The following MLLT1 variants were observed in gnomAD, a reference collection of about 807,000 sequenced individuals.
MLLT1 encodes the protein protein ENL.
A neutral mutation model predicts 55.1 loss-of-function variants in MLLT1; 11 were observed. The ratio of observed to expected loss-of-function variants is 0.20; its 90% CI spans 0.13 to 0.33. The LOEUF is 0.33. Among genes scored for constraint, MLLT1 ranks in the 10% least tolerant of loss-of-function variants. MLLT1 has a pLI of 1.00. For synonymous variants in MLLT1, 323 were observed against 320.1 expected (o/e 1.01, Z -0.10); for missense variants, 536 against 760.6 (o/e 0.70, Z 3.47).
At position 6,212,845 on chromosome 19, in the gene MLLT1, G is replaced by GT; in HGVS notation, c.*196_*197insA. The GT allele has an allele frequency of 1.1e-6, 1 of 921,452 alleles. No homozygotes were observed. Among genetic ancestry groups the GT allele is most frequent in the Non-Finnish European group, 1.5e-6 (1 of 652,844 alleles). The allele number at this position is 921,452 out of a possible 1,614,324, so 57.1% of individuals were successfully genotyped here. ...GGGCGGCTCCCGTGTGGCCCAGCCC[G>GT]GCCCCAGGGCTCCTGGCGATGGAGC... is the stretch of plus-strand genomic sequence containing the variant. On this transcript the variant is annotated 3_prime_UTR_variant, in exon 12 of 12. Coordinates refer to ENST00000252674, the MANE Select transcript of MLLT1 (RefSeq NM_005934.4).
In MLLT1 at chr19:6,212,163, A is replaced by ACTGTTGGCGCTAGTCTGAGTAGAGC. The variant is rs1416684062; in HGVS notation, c.*854_*878dup. The ACTGTTGGCGCTAGTCTGAGTAGAGC allele has an allele frequency of 3.8e-6, 4 of 1,066,010 alleles. No individual in the cohort carries two copies. In the African/African-American group the frequency reaches 6.6e-5, roughly 17 times the overall value. The allele number at this position is 1,066,010 out of a possible 1,614,324, so 66.0% of individuals were successfully genotyped here. ...GGCTGATGCGAGTCTGTCCGCGGAG[A>ACTGTTGGCGCTAGTCTGAGTAGAGC]CTGTTGGCGCTAGTCTGAGTAGAGC... On this transcript the variant is annotated 3_prime_UTR_variant, in exon 12 of 12. Coordinates refer to ENST00000252674, the MANE Select transcript of MLLT1 (RefSeq NM_005934.4).
At chr19:6,247,462 G>T (rs2091179506) in intron 3 of MLLT1, among the ~76,000 whole-genome samples, 1 of 152,108 alleles carries the variant, frequency 6.6e-6, no homozygotes, top group African/African-American at 2.4e-5. Flanking sequence ...TAACAAACAG[G>T]TAACAACAGA....
At position 6,229,655 on chromosome 19, in the gene MLLT1, C is replaced by T. The variant is rs1030928956; in HGVS notation, c.420+915G>A. ...ACACCATACATGACACAGCAGACAG[C>T]GTATGTACATACCACACAACACACA... On this transcript the variant is annotated intron_variant, in intron 4 of 11. Transcript: ENST00000252674. This position sits in a 1 kb window ranked among gnomAD's most constrained non-coding sequence, Gnocchi z 5.2. Among the ~76,000 whole-genome samples the T allele has an allele frequency of 4.6e-5, 7 of 151,766 alleles. No homozygotes were observed. The highest frequency in any genetic ancestry group is 3.4e-3 in the Middle Eastern group (1 of 294).
At chr19:6,218,804 G>A (rs940672837) in intron 6 of MLLT1, among the ~76,000 whole-genome samples, 2 of 152,238 alleles carry the variant, frequency 1.3e-5, no homozygotes, top group Non-Finnish European at 2.9e-5. Flanking sequence ...TGCACGGGGA[G>A]GGGCCCATTG....
Position 6,230,547 on chromosome 19 carries a change from G to T in MLLT1, c.420+23C>A. ...AGCCTCGGTGGAGCGGCCCCTTGGC[G>T]GGCAGGGGCGGGGCACACTCACCCC... On this transcript the variant is annotated intron_variant, in intron 4 of 11. Coordinates refer to ENST00000252674, the MANE Select transcript of MLLT1 (RefSeq NM_005934.4). This position sits in a 1 kb window ranked among gnomAD's most constrained non-coding sequence, Gnocchi z 9.0. 6.2e-7 allele frequency: 1 copy of T among 1,610,486 alleles called. No homozygotes were observed. The highest frequency in any genetic ancestry group is 8.5e-7 in the Non-Finnish European group (1 of 1,179,220).
At chr19:6,223,597 A>G (rs996454148) in intron 5 of MLLT1, among the ~76,000 whole-genome samples, 1 of 152,156 alleles carries the variant, frequency 6.6e-6, no homozygotes, top group Admixed American at 6.5e-5. Context: ...TCACTGGGCA[A>G]TGGCACAGGC....
chr19:6,265,049 C>CAAAAACAAAAA (rs1568296295), intron 2 of MLLT1, among the ~76,000 whole-genome samples: 2 of 23,292 alleles, frequency 8.6e-5, no homozygotes, highest in South Asian at 1.8e-3. Flanking sequence ...AAAAAAAAAA[C>CAAAAACAAAAA]AAAAAAACAA....
At chr19:6,223,770 T>A (rs1468201565) in intron 5 of MLLT1, among the ~76,000 whole-genome samples, 6 of 152,008 alleles carry the variant, frequency 3.9e-5, no homozygotes, top group Admixed American at 2.6e-4. Context: ...GAGCCACGCC[T>A]TCACCTTCCC....
chr19:6,271,835 G>A (rs999887404), intron 1 of MLLT1, among the ~76,000 whole-genome samples: 15 of 152,198 alleles, frequency 9.9e-5, no homozygotes, highest in South Asian at 2.1e-4. Flanking sequence ...CCGCCCTCCC[G>A]GGCCCCAGAC....
Position 6,227,405 on chromosome 19 carries a change from C to T in MLLT1, c.421-303G>A, listed in dbSNP as rs925780991. Among the ~76,000 whole-genome samples the T allele has an allele frequency of 2.6e-5, 4 of 152,196 alleles. No individual in the cohort carries two copies. Among genetic ancestry groups the T allele is most frequent in the African/African-American group, 9.6e-5 (4 of 41,462 alleles). ...GGCCCAAGAAGACTTGCGGAGCACA[C>T]TGAGAATCATGAGAAGGCAGCTGCG... On this transcript the variant is annotated intron_variant, in intron 4 of 11. Transcript: ENST00000252674. This position sits in a 1 kb window ranked among gnomAD's most constrained non-coding sequence, Gnocchi z 5.1.
intron 5 of MLLT1, among the ~76,000 whole-genome samples, chr19:6,223,573 G>A (rs2090925149): frequency 6.6e-6 from 1 of 152,206 alleles, no homozygotes; most frequent in Non-Finnish European, 1.5e-5. Context: ...TCGAGGAAGG[G>A]CAAGGCCACC....
At chr19:6,266,294 A>T (rs1166837288) in intron 2 of MLLT1, among the ~76,000 whole-genome samples, 1 of 151,876 alleles carries the variant, frequency 6.6e-6, no homozygotes, top group African/African-American at 2.4e-5. Flanking sequence ...AAAAAAAAAA[A>T]AAAGTTTTGG....
Position 6,231,790 on chromosome 19 carries a change from C to T in MLLT1, c.277-1077G>A, listed in dbSNP as rs1032432979. Among the ~76,000 whole-genome samples, 6 of 152,146 alleles carry T rather than the reference C, an allele frequency of 3.9e-5. No homozygotes were observed. The highest frequency in any genetic ancestry group is 6.5e-5 in the Admixed American group (1 of 15,292). ...TGCTGGGATTACAGGTGTGAGCCAC[C>T]GCGCCCAGCTGAAGCAAGACAATTT... On this transcript the variant is annotated intron_variant, in intron 3 of 11. Coordinates refer to ENST00000252674, the MANE Select transcript of MLLT1 (RefSeq NM_005934.4). The surrounding 1 kb of genome is among the most constrained non-coding windows in gnomAD (Gnocchi z 5.1).
At chr19:6,216,998 CCT>C (rs750464749) in intron 7 of MLLT1, 4 of 160,572 alleles carry the variant, frequency 2.5e-5, no homozygotes, top group Non-Finnish European at 5.5e-5. Context: ...ACCGTCCTCC[CCT>C]TTCTCCAGAG....
chr19:6,261,641 CAAAAA>C (rs556152203), intron 3 of MLLT1, among the ~76,000 whole-genome samples: 1 of 70,674 alleles, frequency 1.4e-5, no homozygotes, highest in African/African-American at 5.1e-5. Flanking sequence ...ATCATTAGGC[CAAAAA>C]AAAAAAAAAA....
At chr19:6,228,487 C>T (rs2090974652) in intron 4 of MLLT1, among the ~76,000 whole-genome samples, 1 of 151,564 alleles carries the variant, frequency 6.6e-6, no homozygotes, top group Non-Finnish European at 1.5e-5. Flanking sequence ...CACAGACCCT[C>T]AGCCATGGGG....
chr19:6,228,667 G>A (rs748273257), intron 4 of MLLT1, among the ~76,000 whole-genome samples: 1 of 152,164 alleles, frequency 6.6e-6, no homozygotes, highest in African/African-American at 2.4e-5. Flanking sequence ...CCCACGGCGG[G>A]GGGCTGGGGT....
intron 3 of MLLT1, among the ~76,000 whole-genome samples, chr19:6,261,433 G>A (rs982676327): frequency 9.2e-5 from 14 of 152,218 alleles, no homozygotes; most frequent in South Asian, 4.2e-4. Flanking sequence ...GGTACAAACC[G>A]GGGACTCAGT....
intron 3 of MLLT1, among the ~76,000 whole-genome samples, chr19:6,236,564 G>A (rs2091063061): frequency 6.6e-6 from 1 of 152,176 alleles, no homozygotes; most frequent in Non-Finnish European, 1.5e-5. Flanking sequence ...GCCAGGTAGA[G>A]GTCACGCCCC....
Sources: allele counts gnomAD v4.1 joint callset (sites outside exome capture counted in the v4.1 genomes callset), GRCh38; gene constraint gnomAD v4.1.1; non-coding constraint Gnocchi (gnomAD v3.1); transcripts MANE v1.5; gene names NCBI Gene and HGNC (gene_info 2026-07-23, HGNC 2026-07-21).